PATJ: variants seen among roughly 807,000 people sequenced by gnomAD.
The protein encoded by PATJ is inaD-like protein.
Under a neutral mutation model 224.9 loss-of-function variants are expected in PATJ, and 190 were observed. That is an observed-to-expected ratio of 0.84 (90% confidence interval 0.75 to 0.95). The LOEUF is 0.95. Ranked by LOEUF, PATJ falls within the 40% of genes least tolerant of loss-of-function variation. The pLI is 0.00. For missense variants in PATJ, 2,121 were observed against 2,270.3 expected (o/e 0.93, Z 1.34); for synonymous variants, 769 against 820.3 (o/e 0.94, Z 1.07).
intron 31 of PATJ, among the ~76,000 whole-genome samples, chr1:62,067,496 G>A (rs1037790699): frequency 6.6e-6 from 1 of 152,084 alleles, no homozygotes; most frequent in Non-Finnish European, 1.5e-5. Context: ...AGCAAGAAAG[G>A]GGTTAGTTTT....
intron 24 of PATJ, 87 bp downstream of exon 24, chr1:61,901,546 G>T: frequency 1.1e-6 from 1 of 917,886 alleles, no homozygotes; most frequent in Non-Finnish European, 1.7e-6. Flanking sequence ...TTCTTTATGT[G>T]TTGGGGACCG....
At chr1:61,913,353 C>G (rs181433909) in intron 25 of PATJ, among the ~76,000 whole-genome samples, 2 of 152,120 alleles carry the variant, frequency 1.3e-5, no homozygotes, top group Non-Finnish European at 2.9e-5. Context: ...GGATTACAGG[C>G]GCACGCCAAC....
chr1:61,977,062 G>A (rs1644175280), intron 27 of PATJ, among the ~76,000 whole-genome samples: 1 of 151,842 alleles, frequency 6.6e-6, no homozygotes, highest in African/African-American at 2.4e-5. Context: ...TTCAAACAAG[G>A]TCCTCACATG....
intron 33 of PATJ, among the ~76,000 whole-genome samples, chr1:62,089,851 C>T (rs1350606800): frequency 6.6e-6 from 1 of 152,132 alleles, no homozygotes; most frequent in Admixed American, 6.5e-5. Flanking sequence ...GAAGAACCTT[C>T]GCACATTTGG....
At position 61,884,236 on chromosome 1, in the gene PATJ, G is replaced by A; in HGVS notation, c.2960-1G>A. 1.3e-6 allele frequency: 2 copies of A among 1,595,202 alleles called. No individual in the cohort carries two copies. The highest frequency in any genetic ancestry group is 1.7e-6 in the Non-Finnish European group (2 of 1,172,446). ...CACTGTCATCTGGATTTGCTCTTCA[G>A]GCATGATCCCGAATGATGTCCAAGG... is the stretch of plus-strand genomic sequence containing the variant. On this transcript the variant is annotated splice_acceptor_variant, in intron 21 of 43. Coordinates refer to ENST00000642238, the MANE Select transcript of PATJ (RefSeq NM_001350145.3). LOFTEE classifies it high-confidence loss of function.
At chr1:61,745,994 G>A (rs1175648081) in intron 1 of PATJ, among the ~76,000 whole-genome samples, 1 of 151,636 alleles carries the variant, frequency 6.6e-6, no homozygotes, top group Non-Finnish European at 1.5e-5. Context: ...CTGAAGTGCA[G>A]TGCCGCGATC....
chr1:62,043,876 C>G (rs186976705), intron 30 of PATJ, among the ~76,000 whole-genome samples: 7 of 152,044 alleles, frequency 4.6e-5, no homozygotes, highest in African/African-American at 1.7e-4. Flanking sequence ...TATAGGCACG[C>G]ACCACCATAC....
At chr1:61,778,417 G>A (rs987181751) in intron 7 of PATJ, among the ~76,000 whole-genome samples, 1 of 152,116 alleles carries the variant, frequency 6.6e-6, no homozygotes, top group Non-Finnish European at 1.5e-5. Flanking sequence ...ATAAAATAGT[G>A]TCTGAAAGTT....
At chr1:61,907,081 G>A (rs1040166417) in intron 24 of PATJ, among the ~76,000 whole-genome samples, 8 of 151,966 alleles carry the variant, frequency 5.3e-5, no homozygotes, top group Non-Finnish European at 8.8e-5. Context: ...CCCTTTTCTC[G>A]GCACTTCTCC....
intron 14 of PATJ, among the ~76,000 whole-genome samples, chr1:61,809,926 A>G (rs1402153318): frequency 1.3e-5 from 2 of 150,976 alleles, no homozygotes; most frequent in Non-Finnish European, 1.5e-5. Context: ...GCTCATTGCA[A>G]CCTTCGCCTC....
At chr1:61,923,108 T>A (rs1166297069) in intron 26 of PATJ, among the ~76,000 whole-genome samples, 2 of 152,236 alleles carry the variant, frequency 1.3e-5, no homozygotes, top group Non-Finnish European at 2.9e-5. Context: ...AGGAGCCCAG[T>A]AATACCAAAA....
chr1:61,917,465 A>T (rs1332016061), intron 26 of PATJ, among the ~76,000 whole-genome samples: 1 of 150,934 alleles, frequency 6.6e-6, no homozygotes, highest in Non-Finnish European at 1.5e-5. Flanking sequence ...CAGTGAAAGA[A>T]GTATGTGCAT....
chr1:61,814,394 T>C (rs1655609864), intron 14 of PATJ, among the ~76,000 whole-genome samples: 1 of 152,004 alleles, frequency 6.6e-6, no homozygotes, highest in African/African-American at 2.4e-5. Flanking sequence ...CCGCCCACCT[T>C]GGCCTCCCAA....
chr1:62,105,840 T>G (rs1662842836), intron 33 of PATJ, among the ~76,000 whole-genome samples: 1 of 151,618 alleles, frequency 6.6e-6, no homozygotes, highest in Non-Finnish European at 1.5e-5. Context: ...GATGGGTTAT[T>G]TAGTTATAGA....
intron 27 of PATJ, among the ~76,000 whole-genome samples, chr1:61,937,824 G>A (rs1184233825): frequency 4.0e-5 from 6 of 151,844 alleles, no homozygotes; most frequent in Non-Finnish European, 8.8e-5. Context: ...CTAATTTTGT[G>A]TTTTTAGTAG....
chr1:61,956,517 A>C (rs1261785071), intron 27 of PATJ, among the ~76,000 whole-genome samples: 1 of 152,206 alleles, frequency 6.6e-6, no homozygotes. Flanking sequence ...ATAAAGCAAA[A>C]GATAATGAGG....
intron 20 of PATJ, among the ~76,000 whole-genome samples, chr1:61,872,381 G>A (rs1023946188): frequency 6.6e-6 from 1 of 152,104 alleles, no homozygotes; most frequent in Non-Finnish European, 1.5e-5. Flanking sequence ...ACCATCTGGA[G>A]GCAAAACTCC....
chr1:61,840,463 T>G (rs1293825203), intron 17 of PATJ, among the ~76,000 whole-genome samples: 1 of 152,006 alleles, frequency 6.6e-6, no homozygotes, highest in Non-Finnish European at 1.5e-5. Context: ...ACATTTTATA[T>G]ATACATGGTT....
intron 27 of PATJ, among the ~76,000 whole-genome samples, chr1:61,949,117 A>G (rs1019871225): frequency 6.6e-6 from 1 of 151,942 alleles, no homozygotes; most frequent in Non-Finnish European, 1.5e-5. Context: ...CCTAATGTAA[A>G]TGACAAGTTA....
Sources: gnomAD v4.1 joint callset for allele counts (sites outside exome capture counted in the v4.1 genomes callset) on GRCh38, gnomAD v4.1.1 for gene constraint, MANE v1.5 for transcripts, NCBI Gene and HGNC (gene_info 2026-07-23, HGNC 2026-07-21) for gene names.